Variants in MICU2 observed in about 807,000 individuals in gnomAD.
MICU2 encodes the protein mitochondrial calcium uptake 2.
Under a neutral mutation model 60.4 loss-of-function variants are expected in MICU2, and 64 were observed. The observed-to-expected ratio is 1.06, with a 90% confidence interval of 0.87 to 1.31. The LOEUF (loss-of-function observed/expected upper bound fraction) is 1.31, where lower values mean the gene tolerates loss of function less well. Among genes scored for constraint, MICU2 ranks in the 50% most tolerant of loss-of-function variants. MICU2 has a pLI of 0.00. For missense variants in MICU2, 569 were observed against 531.0 expected, an observed-to-expected ratio of 1.07 and a Z score of -0.70; for synonymous variants, 201 against 175.0, an observed-to-expected ratio of 1.15 and a Z score of -1.17.
At position 21,568,739 on chromosome 13, in the gene MICU2, T is replaced by TA. The variant is rs1310647148; in HGVS notation, c.211-1796dup. Among the ~76,000 whole-genome samples, 3 of 152,124 alleles carry TA rather than the reference T, an allele frequency of 2.0e-5. No homozygotes were observed. In the East Asian group the frequency reaches 5.8e-4, roughly 29 times the overall value. ...ATTGTCCTTTAACTTGTAGCAATCT[T>TA]ATTCTTTCCTGGTCCTAACTAATAT... is the stretch of plus-strand genomic sequence containing the variant. On this transcript the variant is annotated intron_variant, in intron 1 of 11. Transcript: ENST00000382374.
intron 8 of MICU2, among the ~76,000 whole-genome samples, chr13:21,503,809 A>G (rs918780193): frequency 6.6e-6 from 1 of 152,210 alleles, no homozygotes; most frequent in Non-Finnish European, 1.5e-5. Flanking sequence ...TGTGAAAAGT[A>G]TTATCATCTC....
intron 10 of MICU2, chr13:21,495,806 T>C (rs1219426916): frequency 1.5e-5 from 5 of 341,620 alleles, no homozygotes; most frequent in African/African-American, 8.7e-5. Flanking sequence ...AGTGCTGGGA[T>C]TACAGGCATG....
chr13:21,573,571 T>C (rs1888162344), intron 1 of MICU2, among the ~76,000 whole-genome samples: 1 of 151,886 alleles, frequency 6.6e-6, no homozygotes, highest in African/African-American at 2.4e-5. Context: ...TGCGCCCAGC[T>C]TGCTGCCATC....
intron 2 of MICU2, among the ~76,000 whole-genome samples, chr13:21,554,135 T>A (rs1433552178): frequency 3.3e-5 from 5 of 151,944 alleles, no homozygotes; most frequent in Non-Finnish European, 5.9e-5. Flanking sequence ...AGACAGAAAG[T>A]TAATAAGGAT....
At position 21,496,100 on chromosome 13, in the gene MICU2, CAA is replaced by C; in HGVS notation, c.992_993del (p.Phe331CysfsTer20). ...AAACTGAACATCTGCATGGCAATAGCAAAGTCTTCCAAGTGGGTTGTAAAATG... is the reference window on the plus strand; with the variant it reads ...AAACTGAACATCTGCATGGCAATAGCAGTCTTCCAAGTGGGTTGTAAAATG... ...FCHFTTHLED[F>X]AIAMQMFSLA... is the part of the protein sequence containing the mutation. On this transcript the variant is annotated frameshift_variant, in exon 10 of 12. Coordinates refer to ENST00000382374, the MANE Select transcript of MICU2 (RefSeq NM_152726.3). LOFTEE classifies it high-confidence loss of function. 5.0e-6 allele frequency: 8 copies of C among 1,614,096 alleles called. No homozygotes were observed. The highest frequency in any genetic ancestry group is 5.9e-6 in the Non-Finnish European group (7 of 1,179,986).
intron 1 of MICU2, among the ~76,000 whole-genome samples, chr13:21,599,986 A>G (rs1888779202): frequency 6.6e-6 from 1 of 152,230 alleles, no homozygotes; most frequent in African/African-American, 2.4e-5. Context: ...CATTAAATGA[A>G]GAAAACATTA....
intron 2 of MICU2, among the ~76,000 whole-genome samples, chr13:21,558,614 G>T (rs1328642582): frequency 6.6e-6 from 1 of 152,118 alleles, no homozygotes; most frequent in Non-Finnish European, 1.5e-5. Flanking sequence ...TTTACCTGTT[G>T]CCCACACCCT....
intron 6 of MICU2, among the ~76,000 whole-genome samples, chr13:21,515,115 T>C (rs1400716121): frequency 3.4e-5 from 5 of 148,114 alleles, no homozygotes; most frequent in South Asian, 2.1e-4. Context: ...GGAGTCTCGC[T>C]CTGTCACCCA....
intron 2 of MICU2, among the ~76,000 whole-genome samples, chr13:21,545,710 T>G (rs761326581): frequency 6.7e-6 from 1 of 148,834 alleles, no homozygotes. Context: ...AAGTAGAAAG[T>G]AGGACAGAGT....
chr13:21,585,723 A>G (rs1385671812), intron 1 of MICU2, among the ~76,000 whole-genome samples: 1 of 152,190 alleles, frequency 6.6e-6, no homozygotes, highest in African/African-American at 2.4e-5. Flanking sequence ...ACAACTAATA[A>G]AACTGCAAAT....
intron 8 of MICU2, among the ~76,000 whole-genome samples, chr13:21,508,428 G>T (rs1461702685): frequency 3.3e-5 from 5 of 152,084 alleles, no homozygotes; most frequent in African/African-American, 1.2e-4. Context: ...CCGGCCCAAG[G>T]CTCTTATTTC....
At chr13:21,598,444 G>A (rs535398808) in intron 1 of MICU2, among the ~76,000 whole-genome samples, 3 of 152,180 alleles carry the variant, frequency 2.0e-5, no homozygotes, top group South Asian at 4.2e-4. Flanking sequence ...TGCCAGGTGC[G>A]GTGGCTCACA....
intron 8 of MICU2, among the ~76,000 whole-genome samples, chr13:21,507,074 T>C (rs1266582071): frequency 6.6e-6 from 1 of 152,222 alleles, no homozygotes; most frequent in Non-Finnish European, 1.5e-5. Context: ...CTAGTATAAT[T>C]ACAATTTTAC....
At chr13:21,584,634 G>A (rs1427476713) in intron 1 of MICU2, among the ~76,000 whole-genome samples, 1 of 151,770 alleles carries the variant, frequency 6.6e-6, no homozygotes, top group Non-Finnish European at 1.5e-5. Flanking sequence ...TTTAAGTCCA[G>A]GCTATACTTA....
intron 2 of MICU2, among the ~76,000 whole-genome samples, chr13:21,565,236 A>G (rs182322191): frequency 6.6e-6 from 1 of 152,340 alleles, no homozygotes; most frequent in African/African-American, 2.4e-5. Context: ...AGCTGTAATA[A>G]AAGAACCTAG....
intron 8 of MICU2, among the ~76,000 whole-genome samples, chr13:21,503,631 G>A (rs919185197): frequency 1.1e-4 from 16 of 152,076 alleles, no homozygotes; most frequent in Non-Finnish European, 1.0e-4. Context: ...AATACATGTC[G>A]ATATGACTCA....
intron 1 of MICU2, among the ~76,000 whole-genome samples, chr13:21,570,324 A>T (rs1888079450): frequency 1.3e-5 from 2 of 152,204 alleles, no homozygotes; most frequent in Non-Finnish European, 2.9e-5. Flanking sequence ...ATTTTAAAGG[A>T]TCACTAATAT....
rs1224054622 is a variant in MICU2 at position 21,492,942 on chromosome 13, C to T, written c.*307G>A. Reference sequence around the variant, plus strand: ...TTTTCCCATATGTATTTGTTTTATCCTTCCAGAAAGCATATCATATTAGAG... The same window carrying T: ...TTTTCCCATATGTATTTGTTTTATCTTTCCAGAAAGCATATCATATTAGAG... On this transcript the variant is annotated 3_prime_UTR_variant, in exon 12 of 12. Transcript: ENST00000382374. 1.2e-5 allele frequency: 2 copies of T among 173,002 alleles called. No individual in the cohort carries two copies. The highest frequency in any genetic ancestry group is 1.6e-4 in the East Asian group (1 of 6,340). 10.7% of individuals were successfully genotyped at this position (173,002 alleles called of 1,614,324 possible).
At chr13:21,555,269 C>T (rs1217000466) in intron 2 of MICU2, among the ~76,000 whole-genome samples, 1 of 152,188 alleles carries the variant, frequency 6.6e-6, no homozygotes, top group Non-Finnish European at 1.5e-5. Flanking sequence ...CAAAAATCCT[C>T]AATAAAATAC....
Sources: allele counts gnomAD v4.1 joint callset (sites outside exome capture counted in the v4.1 genomes callset), GRCh38; gene constraint gnomAD v4.1.1; transcripts MANE v1.5; gene names NCBI Gene and HGNC (gene_info 2026-07-23, HGNC 2026-07-21).